The following LY75 variants were observed in gnomAD, a reference collection of about 807,000 sequenced individuals.
LY75 encodes lymphocyte antigen 75, also known as C-type lectin domain family 13 member B.
A neutral mutation model predicts 231.7 loss-of-function variants in LY75; 185 were observed. The ratio of observed to expected loss-of-function variants is 0.80; its 90% confidence interval spans 0.71 to 0.90. The LOEUF (loss-of-function observed/expected upper bound fraction) is 0.90, where lower values mean the gene tolerates loss of function less well. Among genes scored for constraint, LY75 ranks in the 40% least tolerant of loss-of-function variants. The pLI is 0.00. For synonymous variants in LY75, 668 were observed against 689.0 expected (o/e 0.97, Z 0.48); for missense variants, 1,947 against 2,050.2 (o/e 0.95, Z 0.97).
chr2:159,830,188 C>G (rs1683604879), intron 28 of LY75, among the ~76,000 whole-genome samples: 1 of 152,136 alleles, frequency 6.6e-6, no homozygotes, highest in South Asian at 2.1e-4. Flanking sequence ...ATAAACATTT[C>G]AGGAAAACAT....
At position 159,806,986 on chromosome 2, in the gene LY75, G is replaced by T. The variant is rs761569319; in HGVS notation, c.4977C>A (p.Cys1659Ter). ...TTCCATACTTACCCAGAGGCACTTT[G>T]CAGACAACTCTTCCAAAACCATGTT... ...ECEHGFGRVVCKVPLGPDYTA... is the reference protein window; with the variant it reads ...ECEHGFGRVV Residue 1659 changes from cysteine to a stop codon, truncating the protein, a stop_gained, in exon 34 of 35, where the codon TGC becomes TGA. Transcript: ENST00000263636. LOFTEE classifies it high-confidence loss of function. 1 of 1,613,156 alleles carries T rather than the reference G, an allele frequency of 6.2e-7. No homozygotes were observed. The highest frequency in any genetic ancestry group is 2.2e-5 in the East Asian group (1 of 44,864).
intron 23 of LY75, among the ~76,000 whole-genome samples, chr2:159,848,977 C>G (rs920847472): frequency 6.6e-6 from 1 of 151,928 alleles, no homozygotes; most frequent in East Asian, 1.9e-4. Context: ...TATCTATATA[C>G]TAGATGGTGA....
intron 1 of LY75, among the ~76,000 whole-genome samples, chr2:159,901,156 T>C (rs1686066728): frequency 6.6e-6 from 1 of 152,138 alleles, no homozygotes; most frequent in South Asian, 2.1e-4. Context: ...TCACACTTTC[T>C]TCTTTGACAT....
intron 13 of LY75, among the ~76,000 whole-genome samples, chr2:159,870,574 G>T (rs564365141): frequency 6.6e-6 from 1 of 152,028 alleles, no homozygotes; most frequent in African/African-American, 2.4e-5. Context: ...GCACTATCTT[G>T]TCTCACTGTA....
intron 3 of LY75, among the ~76,000 whole-genome samples, chr2:159,893,298 T>TA (rs1417415933): frequency 2.0e-5 from 3 of 152,346 alleles, no homozygotes; most frequent in Admixed American, 2.0e-4. Context: ...CAAGGAAAGT[T>TA]ACGTTGAAAT....
intron 4 of LY75, 101 bp from the exon 5 acceptor site, chr2:159,886,631 T>C (rs1336889962): frequency 1.6e-6 from 2 of 1,216,376 alleles, no homozygotes; most frequent in Non-Finnish European, 2.2e-6. Context: ...CAGACCTTGA[T>C]TGTAAGGCAG....
intron 31 of LY75, 155 bp from the exon 32 acceptor site, chr2:159,810,830 C>T (rs1682938724): frequency 1.3e-6 from 1 of 752,648 alleles, no homozygotes; most frequent in Admixed American, 6.3e-5. Context: ...TCTATAAATA[C>T]ATATTTTAAT....
chr2:159,889,402 T>A (rs1428011565), intron 4 of LY75, among the ~76,000 whole-genome samples: 2 of 150,844 alleles, frequency 1.3e-5, no homozygotes, highest in South Asian at 2.1e-4. Flanking sequence ...AAAAAAAAAT[T>A]TTTTTTTTTG....
chr2:159,807,403 T>C (rs1682822860), intron 33 of LY75, among the ~76,000 whole-genome samples: 1 of 152,262 alleles, frequency 6.6e-6, no homozygotes, highest in Admixed American at 6.5e-5. Flanking sequence ...GAAAGTTCTA[T>C]TGGACAACAC....
intron 13 of LY75, chr2:159,872,114 T>G (rs974021597): frequency 5.5e-6 from 1 of 182,836 alleles, no homozygotes; most frequent in Non-Finnish European, 1.1e-5. Context: ...GCCTTCTTTA[T>G]GACATTTTTC....
rs770169495 is a variant in LY75 at position 159,831,765 on chromosome 2, C to T, written c.3863G>A (p.Ser1288Asn). ...QKLNPKSHIL[S>N]IRDEKENNFV... ...GTTATTCTCCTTTTCATCTCGAATA[C>T]TCAGAATATGTGATTTTGGATCTGT... The change falls in exon 28 of 35, where the codon AGT becomes AAT. Residue 1288 changes from serine (S) to asparagine (N), a missense_variant. Ser to Asn is a conservative substitution (Grantham distance 46). Transcript: ENST00000263636. 1.9e-6 allele frequency: 3 copies of T among 1,610,566 alleles called. No individual in the cohort carries two copies. The highest frequency in any genetic ancestry group is 3.4e-5 in the Admixed American group (2 of 59,350).
At chr2:159,876,176 T>A (rs1438396266) in intron 11 of LY75, among the ~76,000 whole-genome samples, 1 of 152,208 alleles carries the variant, frequency 6.6e-6, no homozygotes, top group East Asian at 1.9e-4. Context: ...ACAGTCATAA[T>A]TTTATGTATT....
intron 11 of LY75, 39 bp downstream of exon 11, chr2:159,878,285 G>T (rs576331596): frequency 4.7e-5 from 75 of 1,588,596 alleles, no homozygotes; most frequent in Non-Finnish European, 6.2e-5. Flanking sequence ...CCTTTCACTA[G>T]TCACAGTATA....
rs761216189 is a variant in LY75 at position 159,854,473 on chromosome 2, C to T, written c.2482G>A (p.Asp828Asn). ...IEGSEYWFVADLHLNYEEAVL... is the reference protein window; with the variant it reads ...IEGSEYWFVANLHLNYEEAVL... ...GCTTCTTCATAGTTTAGGTGAAGAT[C>T]AGCAACAAACCAATATTCACTTCCT... Residue 828 changes from aspartate to asparagine, a missense_variant, in exon 18 of 35, where the codon GAT (aspartate) becomes AAT (asparagine). Coordinates refer to ENST00000263636, the MANE Select transcript of LY75 (RefSeq NM_002349.4). 8.7e-6 allele frequency: 14 copies of T among 1,613,394 alleles called. No individual in the cohort carries two copies. The highest frequency in any genetic ancestry group is 1.2e-5 in the Non-Finnish European group (14 of 1,179,632).
At chr2:159,901,479 C>A (rs1686076812) in intron 1 of LY75, among the ~76,000 whole-genome samples, 1 of 152,222 alleles carries the variant, frequency 6.6e-6, no homozygotes, top group East Asian at 1.9e-4. Context: ...CCCGGGCATT[C>A]TGCTTTGTGT....
Position 159,807,635 on chromosome 2 carries a change from C to T in LY75, c.4823-495G>A, listed in dbSNP as rs1682828168. 4 of 985,436 alleles carry T rather than the reference C, an allele frequency of 4.1e-6. No individual in the cohort carries two copies. The African/African-American group carries it at 5.2e-5, about 13-fold the overall frequency. 61.0% of individuals were successfully genotyped at this position (985,436 alleles called of 1,614,324 possible). A position where few individuals can be genotyped will look rare whatever the true frequency, so the allele number is the denominator to read the frequency against. ...TTTTTGCTTTCCAGCTGAAGTGGCA[C>T]CACCTTGTGGTGACAGTGTAAACAC... On this transcript the variant is annotated intron_variant, in intron 33 of 34. Coordinates refer to ENST00000263636, the MANE Select transcript of LY75 (RefSeq NM_002349.4).
chr2:159,842,811 T>C (rs1265667787), intron 23 of LY75, among the ~76,000 whole-genome samples: 1 of 152,054 alleles, frequency 6.6e-6, no homozygotes, highest in Admixed American at 6.6e-5. Context: ...AAAACAGAAG[T>C]ATCTAGATTT....
In LY75 at chr2:159,868,348, T is replaced by A. The variant is rs1406401077; in HGVS notation, c.2118-3428A>T. Among the ~76,000 whole-genome samples, 4 of 152,162 alleles carry A rather than the reference T, an allele frequency of 2.6e-5. No individual in the cohort carries two copies. The East Asian group carries it at 7.7e-4, about 29-fold the overall frequency. ...CATTACTTTTATGATTAGAAAAAAA[T>A]TAAACATAGTACATTCTATGGAAAA... On this transcript the variant is annotated intron_variant, in intron 13 of 34. Coordinates refer to ENST00000263636, the MANE Select transcript of LY75 (RefSeq NM_002349.4).
chr2:159,893,401 T>G (rs1168743798), intron 3 of LY75, among the ~76,000 whole-genome samples: 1 of 152,214 alleles, frequency 6.6e-6, no homozygotes, highest in Non-Finnish European at 1.5e-5. Context: ...CTGGAACACT[T>G]ACAGTAGTCT....
Sources: gnomAD v4.1 joint callset for allele counts (sites outside exome capture counted in the v4.1 genomes callset) on GRCh38, gnomAD v4.1.1 for gene constraint, MANE v1.5 for transcripts, NCBI Gene and HGNC (gene_info 2026-07-23, HGNC 2026-07-21) for gene names.